Variants in WRN observed in about 807,000 individuals in gnomAD.
WRN encodes WRN RecQ like helicase.
WRN carries 149 observed loss-of-function variants against 180.7 expected under a neutral mutation model. The observed-to-expected ratio is 0.82, with a 90% CI of 0.72 to 0.94. The LOEUF (loss-of-function observed/expected upper bound fraction) is 0.94, where lower values mean the gene tolerates loss of function less well. Among genes scored for constraint, WRN ranks in the 40% least tolerant of loss-of-function variants. WRN has a pLI of 0.00. For missense variants in WRN, 1,661 were observed against 1,700.1 expected, an observed-to-expected ratio of 0.98 and a Z score of 0.40; for synonymous variants, 548 against 568.9, an observed-to-expected ratio of 0.96 and a Z score of 0.52.
intron 20 of WRN, among the ~76,000 whole-genome samples, chr8:31,119,328 C>T (rs1323679195): frequency 6.6e-6 from 1 of 151,918 alleles, no homozygotes; most frequent in African/African-American, 2.4e-5. Context: ...GTTTCCCATT[C>T]ACAACCTTTT....
intron 21 of WRN, among the ~76,000 whole-genome samples, chr8:31,122,860 GT>G (rs71206298): frequency 0.11 from 7,335 of 69,124 alleles, 142 homozygotes; most frequent in South Asian, 0.14. Context: ...TTCTTTTCTT[GT>G]TTTTTTTTTT....
rs117265351 is a variant in WRN at position 31,148,882 on chromosome 8, C to T, written c.3572+1406C>T. Among the ~76,000 whole-genome samples the T allele has an allele frequency of 5.8e-3, 890 of 152,256 alleles. 3 individuals carry two copies. Among genetic ancestry groups the T allele is most frequent in the South Asian group, 0.021 (103 of 4,828 alleles). ...AGCTCCTTACCTTTTTGTGTGTCTC[C>T]TGTAGCACCTAGCACAATGCCTCAT... On this transcript the variant is annotated intron_variant, in intron 30 of 34. Transcript: ENST00000298139.
At chr8:31,155,133 AAAAAC>A (rs1803328042) in intron 32 of WRN, among the ~76,000 whole-genome samples, 1 of 152,234 alleles carries the variant, frequency 6.6e-6, no homozygotes, top group Non-Finnish European at 1.5e-5. Context: ...TGCAAAACAG[AAAAAC>A]AAACGTAAAC....
At chr8:31,118,221 C>T (rs944490799) in intron 20 of WRN, among the ~76,000 whole-genome samples, 3 of 152,054 alleles carry the variant, frequency 2.0e-5, no homozygotes, top group Admixed American at 2.0e-4. Flanking sequence ...TTAATTACAC[C>T]TAATTTCTGG....
intron 1 of WRN, among the ~76,000 whole-genome samples, chr8:31,034,997 G>A (rs2725335): frequency 0.055 from 8,399 of 152,160 alleles, 505 homozygotes; most frequent in East Asian, 0.23. Context: ...TCATTCTAAT[G>A]CCTCTCTGGG....
chr8:31,132,654 C>A, intron 24 of WRN, 148 bp downstream of exon 24: 1 of 1,109,828 alleles, frequency 9.0e-7, no homozygotes, highest in Non-Finnish European at 1.3e-6. Context: ...CAGTTAAACA[C>A]TACATTCATT....
At chr8:31,040,055 G>T (rs1811591274) in intron 1 of WRN, among the ~76,000 whole-genome samples, 1 of 152,114 alleles carries the variant, frequency 6.6e-6, no homozygotes, top group Admixed American at 6.6e-5. Flanking sequence ...TCGAATTTTG[G>T]CTTTGTTTTG....
At chr8:31,147,497 GT>G (rs1327587306) in intron 30 of WRN, 21 bp downstream of exon 30, 1 of 1,457,984 alleles carries the variant, frequency 6.9e-7, no homozygotes, top group Non-Finnish European at 9.1e-7. Context: ...TTTTGCATGT[GT>G]TCTATTTATT....
intron 23 of WRN, among the ~76,000 whole-genome samples, chr8:31,130,451 T>C (rs1013537762): frequency 8.5e-5 from 13 of 152,316 alleles, no homozygotes; most frequent in Admixed American, 1.3e-4. Flanking sequence ...AGTCCTTTTG[T>C]TCTCAACCTA....
chr8:31,104,959 ATTGT>A (rs1801037014), intron 18 of WRN, among the ~76,000 whole-genome samples: 1 of 152,136 alleles, frequency 6.6e-6, no homozygotes, highest in Admixed American at 6.5e-5. Flanking sequence ...TGTGTTAGAA[ATTGT>A]TTGTTATTCT....
At chr8:31,128,831 C>T (rs1402000249) in intron 23 of WRN, among the ~76,000 whole-genome samples, 3 of 152,128 alleles carry the variant, frequency 2.0e-5, no homozygotes, top group Non-Finnish European at 4.4e-5. Flanking sequence ...TGCACTCCAG[C>T]CTGGGCAACA....
intron 33 of WRN, among the ~76,000 whole-genome samples, chr8:31,164,459 A>C (rs140562588): frequency 1.2e-3 from 174 of 142,880 alleles, no homozygotes; most frequent in Admixed American, 1.9e-3. Context: ...ATGACACAAT[A>C]TTTACCTAAA....
chr8:31,169,348 A>G (rs1190305358), intron 34 of WRN, among the ~76,000 whole-genome samples: 3 of 151,632 alleles, frequency 2.0e-5, no homozygotes, highest in African/African-American at 7.2e-5. Flanking sequence ...ATTTATATAT[A>G]CATATTTTAT....
chr8:31,067,318 T>C, intron 6 of WRN, 136 bp downstream of exon 6: 1 of 1,014,924 alleles, frequency 9.9e-7, no homozygotes, highest in Non-Finnish European at 1.4e-6. Flanking sequence ...TGAAAAATGC[T>C]TAGGAAGACA....
At chr8:31,065,275 A>G (rs1222282144) in intron 5 of WRN, among the ~76,000 whole-genome samples, 1 of 151,966 alleles carries the variant, frequency 6.6e-6, no homozygotes, top group Non-Finnish European at 1.5e-5. Flanking sequence ...GTACATGTGC[A>G]TGTTTGTTAC....
At chr8:31,130,583 C>T (rs1316592916) in intron 23 of WRN, among the ~76,000 whole-genome samples, 4 of 148,182 alleles carry the variant, frequency 2.7e-5, no homozygotes, top group African/African-American at 7.4e-5. Context: ...ATTTTACAGT[C>T]GTTAGCGTTT....
At chr8:31,049,299 G>A (rs930090614) in intron 1 of WRN, among the ~76,000 whole-genome samples, 2 of 151,382 alleles carry the variant, frequency 1.3e-5, no homozygotes, top group Admixed American at 1.3e-4. Flanking sequence ...GGGAGGCTGA[G>A]GTAGGGAGGA....
In WRN at chr8:31,091,835, C is replaced by G. The variant is rs11574250; in HGVS notation, c.1835C>G (p.Ser612Cys). The G allele has an allele frequency of 8.8e-5, 142 of 1,612,984 alleles. 1 individual carries two copies. The African/African-American group carries it at 1.7e-3, about 19-fold the overall frequency. ...MEDQVLQLKMSNIPACFLGSA... is the reference protein window; with the variant it reads ...MEDQVLQLKMCNIPACFLGSA... ...ATTTGTTTTTCTTCTTATAGAATGT[C>G]CAACATCCCAGCTTGCTTCCTTGGA... Residue 612 changes from serine (S) to cysteine (C), a missense_variant, in exon 16 of 35, where the codon TCC (serine) becomes TGC (cysteine). Transcript: ENST00000298139.
At chr8:31,104,594 A>C (rs1188792838) in intron 18 of WRN, among the ~76,000 whole-genome samples, 1 of 152,112 alleles carries the variant, frequency 6.6e-6, no homozygotes, top group African/African-American at 2.4e-5. Flanking sequence ...CTAGATCCTG[A>C]AGATTTTCTC....
Sources: allele counts gnomAD v4.1 joint callset (sites outside exome capture counted in the v4.1 genomes callset), GRCh38; gene constraint gnomAD v4.1.1; transcripts MANE v1.5; gene names NCBI Gene and HGNC (gene_info 2026-07-23, HGNC 2026-07-21).